The following FKTN variants were observed in gnomAD, a reference collection of about 807,000 sequenced individuals.
The protein encoded by FKTN is ribitol-5-phosphate transferase FKTN.
A neutral mutation model predicts 58.6 loss-of-function variants in FKTN; 47 were observed. The ratio of observed to expected loss-of-function variants is 0.80; its 90% confidence interval spans 0.63 to 1.02. The LOEUF is 1.02. FKTN is among the 50% of genes least tolerant of loss of function. The pLI, the probability that FKTN is intolerant of heterozygous loss-of-function variation, is 0.00. For synonymous variants in FKTN, 178 were observed against 191.9 expected (o/e 0.93, Z 0.60); for missense variants, 516 against 537.3 (o/e 0.96, Z 0.39).
intron 10 of FKTN, among the ~76,000 whole-genome samples, chr9:105,621,569 C>T (rs1038429035): frequency 6.6e-6 from 1 of 152,010 alleles, no homozygotes; most frequent in South Asian, 2.1e-4. Flanking sequence ...TTGCCCTTTA[C>T]AGAGATAACC....
chr9:105,623,860 A>G (rs902307284), intron 10 of FKTN, among the ~76,000 whole-genome samples: 1 of 152,254 alleles, frequency 6.6e-6, no homozygotes, highest in Non-Finnish European at 1.5e-5. Flanking sequence ...AACAATGGCA[A>G]AGAAGTGTGG....
chr9:105,562,619 C>T lies in FKTN; in HGVS notation c.-181+4454C>T, dbSNP rs80030484. Among the ~76,000 whole-genome samples the T allele has an allele frequency of 9.1e-3, 1,379 of 152,278 alleles. 21 individuals are homozygous for T. The highest frequency in any genetic ancestry group is 0.032 in the African/African-American group (1,321 of 41,556). The stretch of plus-strand genomic sequence containing the variant: ...TCCTAATCTTGTAGTCTTTCATTAC[C>T]TTTATAAAGGCAGTTTAGTTTTGGA... On this transcript the variant is annotated intron_variant, in intron 1 of 10. Coordinates refer to ENST00000357998, the MANE Select transcript of FKTN (RefSeq NM_001079802.2).
At chr9:105,622,062 A>T (rs1245201223) in intron 10 of FKTN, among the ~76,000 whole-genome samples, 1 of 152,070 alleles carries the variant, frequency 6.6e-6, no homozygotes, top group Non-Finnish European at 1.5e-5. Flanking sequence ...ATATGGGTTT[A>T]TTTTTTAAAA....
chr9:105,593,203 C>T (rs1845222015), intron 3 of FKTN, among the ~76,000 whole-genome samples: 1 of 152,166 alleles, frequency 6.6e-6, no homozygotes, highest in African/African-American at 2.4e-5. Context: ...GCGGAACCAG[C>T]ACTTCATATG....
chr9:105,636,409 T>G lies in FKTN; in HGVS notation c.*1145T>G, dbSNP rs1336159621. ...GGACTTGACAACTATTCACCCTACC[T>G]CAGATCATAGAGTTTGTAAAGTTTG... On this transcript the variant is annotated 3_prime_UTR_variant, in exon 11 of 11. Transcript: ENST00000357998. The G allele has an allele frequency of 2.0e-6, 2 of 989,008 alleles. No individual in the cohort carries two copies. The highest frequency in any genetic ancestry group is 2.4e-6 in the Non-Finnish European group (2 of 832,042). The allele number at this position is 989,008 out of a possible 1,614,324, so 61.3% of individuals were successfully genotyped here. A position where few individuals can be genotyped will look rare whatever the true frequency, so the allele number is the denominator to read the frequency against.
At chr9:105,626,625 C>T (rs1222786296) in intron 10 of FKTN, among the ~76,000 whole-genome samples, 3 of 152,162 alleles carry the variant, frequency 2.0e-5, no homozygotes, top group African/African-American at 4.8e-5. Context: ...ATTGCTTGGT[C>T]GTAGGGTATT....
chr9:105,576,423 T>A (rs1252207342), intron 3 of FKTN, among the ~76,000 whole-genome samples: 4 of 151,788 alleles, frequency 2.6e-5, no homozygotes, highest in East Asian at 3.9e-4. Context: ...CGGTGTTTGG[T>A]TTTTTGTTCT....
intron 5 of FKTN, 94 bp from the exon 6 acceptor site, chr9:105,604,121 A>G: frequency 3.0e-6 from 4 of 1,311,700 alleles, no homozygotes; most frequent in East Asian, 2.3e-5. Context: ...CAAGTTCAAT[A>G]TAAGAATCAC....
At chr9:105,566,736 T>G (rs182967447) in intron 1 of FKTN, among the ~76,000 whole-genome samples, 1 of 152,312 alleles carries the variant, frequency 6.6e-6, no homozygotes, top group East Asian at 1.9e-4. Context: ...GCTGGTACCA[T>G]TCCTTCTGAA....
At chr9:105,563,051 A>G (rs1838596470) in intron 1 of FKTN, among the ~76,000 whole-genome samples, 1 of 152,178 alleles carries the variant, frequency 6.6e-6, no homozygotes, top group African/African-American at 2.4e-5. Context: ...TGATTCTCAA[A>G]AGAGTGGGGT....
chr9:105,568,201 C>A (rs887721775), intron 1 of FKTN, among the ~76,000 whole-genome samples: 1 of 152,010 alleles, frequency 6.6e-6, no homozygotes, highest in Non-Finnish European at 1.5e-5. Context: ...AGAAGAAAAC[C>A]AAGGCAATAC....
At position 105,605,776 on chromosome 9, in the gene FKTN, T is replaced by C. The variant is rs114592213; in HGVS notation, c.647+1284T>C. On this transcript the variant is annotated intron_variant, in intron 6 of 10. Coordinates refer to ENST00000357998, the MANE Select transcript of FKTN (RefSeq NM_001079802.2). ...TGGGAGAAAGAGGGGAAGAGGGGGATGGTTAATGGGTACAAAAAAATAGTT... is the reference window on the plus strand; with the variant it reads ...TGGGAGAAAGAGGGGAAGAGGGGGACGGTTAATGGGTACAAAAAAATAGTT... 6.9e-4 allele frequency among the ~76,000 whole-genome samples: 105 copies of C among 152,192 alleles called. 1 individual carries two copies. Among genetic ancestry groups the C allele is most frequent in the African/African-American group, 2.5e-3 (104 of 41,536 alleles).
At position 105,596,635 on chromosome 9, in the gene FKTN, T is replaced by C. The variant is rs886044478; in HGVS notation, c.143T>C (p.Ile48Thr). The change falls in exon 4 of 11, where the codon ATT becomes ACT. Residue 48 changes from isoleucine to threonine, a missense_variant. By Grantham distance (89) the Ile-to-Thr change is moderately conservative (BLOSUM62 -1). Coordinates refer to ENST00000357998, the MANE Select transcript of FKTN (RefSeq NM_001079802.2). ...AGLSKSKGSR[I>T]GFDSTQWRAV... ...TTGTCAAAATCCAAAGGAAGCCGAA[T>C]TGGATTTGATAGCACACAGTGGGTA... 1.9e-6 allele frequency: 3 copies of C among 1,611,852 alleles called. No homozygotes were observed. Among genetic ancestry groups the C allele is most frequent in the African/African-American group, 1.3e-5 (1 of 74,866 alleles).
chr9:105,610,153 C>G lies in FKTN; in HGVS notation c.780+2202C>G, dbSNP rs562995881. On this transcript the variant is annotated intron_variant, in intron 7 of 10. Coordinates refer to ENST00000357998, the MANE Select transcript of FKTN (RefSeq NM_001079802.2). ...TTGAACACTTTAGTACTTTTTGGCA[C>G]TATAAAATATTCTGGGTTCATCTTA... Among the ~76,000 whole-genome samples, 456 of 152,072 alleles carry G rather than the reference C, an allele frequency of 3.0e-3. 1 individual carries two copies. The highest frequency in any genetic ancestry group is 6.8e-3 in the Middle Eastern group (2 of 294).
intron 1 of FKTN, among the ~76,000 whole-genome samples, chr9:105,564,749 CCCAA>C (rs1320589694): frequency 2.6e-5 from 4 of 152,136 alleles, no homozygotes; most frequent in African/African-American, 9.7e-5. Flanking sequence ...GGAGAACTTC[CCCAA>C]CCTAGCAAGG....
intron 1 of FKTN, among the ~76,000 whole-genome samples, chr9:105,559,916 T>C (rs1837975038): frequency 6.6e-6 from 1 of 151,962 alleles, no homozygotes; most frequent in African/African-American, 2.4e-5. Flanking sequence ...GAAGGAGGCA[T>C]GTGGATCTCA....
In FKTN at chr9:105,640,244, T is replaced by C. The variant is rs1834328335; in HGVS notation, c.*4980T>C. ...TGTGCTTAAAGGAGGCAAGTATAAA[T>C]TTTCTAATAAGAAATCCCTGCTTCT... On this transcript the variant is annotated 3_prime_UTR_variant, in exon 11 of 11. Coordinates refer to ENST00000357998, the MANE Select transcript of FKTN (RefSeq NM_001079802.2). 7.4e-7 allele frequency: 1 copy of C among 1,349,134 alleles called. No homozygotes were observed. Among genetic ancestry groups the C allele is most frequent in the African/African-American group, 1.5e-5 (1 of 67,222 alleles). 83.6% of individuals were successfully genotyped at this position (1,349,134 alleles called of 1,614,324 possible). A position where few individuals can be genotyped will look rare whatever the true frequency, so the allele number is the denominator to read the frequency against.
rs970853000 is a variant in FKTN, at chr9:105,639,377, A to G, written c.*4113A>G. On this transcript the variant is annotated 3_prime_UTR_variant, in exon 11 of 11. Coordinates refer to ENST00000357998, the MANE Select transcript of FKTN (RefSeq NM_001079802.2). The stretch of plus-strand genomic sequence containing the variant: ...AGGCCTGAATTTGAATTTCAGCTTA[A>G]TCATGTGGGATTTATGGTGGGGGCC... 2 of 814,120 alleles carry G rather than the reference A, an allele frequency of 2.5e-6. No homozygotes were observed. The highest frequency in any genetic ancestry group is 3.7e-5 in the African/African-American group (2 of 53,680). The allele number at this position is 814,120 out of a possible 1,614,324, so 50.4% of individuals were successfully genotyped here.
In FKTN at chr9:105,615,277, G is replaced by T. The variant is rs1830619461; in HGVS notation, c.781-1G>T. ...TAGCTGACTATTTATTATATCTGTAGCAGTACCTTGATGATAACACTGTGG... is the reference window on the plus strand; with the variant it reads ...TAGCTGACTATTTATTATATCTGTATCAGTACCTTGATGATAACACTGTGG... On this transcript the variant is annotated splice_acceptor_variant, in intron 7 of 10. Coordinates refer to ENST00000357998, the MANE Select transcript of FKTN (RefSeq NM_001079802.2). LOFTEE classifies it high-confidence loss of function. The T allele has an allele frequency of 1.2e-6, 2 of 1,613,824 alleles. No individual in the cohort carries two copies. The highest frequency in any genetic ancestry group is 2.2e-5 in the East Asian group (1 of 44,886).
Sources: gnomAD v4.1 joint callset for allele counts (sites outside exome capture counted in the v4.1 genomes callset) on GRCh38, gnomAD v4.1.1 for gene constraint, MANE v1.5 for transcripts, NCBI Gene and HGNC (gene_info 2026-07-23, HGNC 2026-07-21) for gene names.